SMPD3: variants seen among roughly 807,000 people sequenced by gnomAD.
The protein encoded by SMPD3 is sphingomyelin phosphodiesterase 3, also known as nSMase-2.
In SMPD3, 21 loss-of-function variants were observed where a neutral mutation model predicts 55.7. The observed-to-expected ratio is 0.38, with a 90% CI of 0.27 to 0.54. SMPD3 has a LOEUF of 0.54. SMPD3 is among the 20% of genes least tolerant of loss of function. The pLI is 0.80. For synonymous variants in SMPD3, 457 were observed against 404.3 expected (o/e 1.13, Z -1.56); for missense variants, 842 against 899.6 (o/e 0.94, Z 0.82).
intron 1 of SMPD3, among the ~76,000 whole-genome samples, chr16:68,418,306 G>A (rs1362860731): frequency 6.6e-6 from 1 of 151,138 alleles, no homozygotes; most frequent in Non-Finnish European, 1.5e-5. Context: ...CAAGAGAAAT[G>A]AGCACCTACT....
chr16:68,446,750 C>T (rs947114572), intron 1 of SMPD3, among the ~76,000 whole-genome samples: 1 of 152,180 alleles, frequency 6.6e-6, no homozygotes, highest in Non-Finnish European at 1.5e-5. Flanking sequence ...GGCCCACTCA[C>T]GCCCTGTGAA....
At chr16:68,437,656 ACT>A (rs552373517) in intron 1 of SMPD3, among the ~76,000 whole-genome samples, 1,783 of 152,000 alleles carry the variant, frequency 0.012, 21 homozygotes, top group Non-Finnish European at 0.02. Context: ...TCATCAAGAG[ACT>A]CTCTCATAGC....
chr16:68,401,833 A>G (rs2090208531), intron 1 of SMPD3, among the ~76,000 whole-genome samples: 1 of 152,126 alleles, frequency 6.6e-6, no homozygotes, highest in South Asian at 2.1e-4. Context: ...AACATGCCAA[A>G]TGGCTAAGAG....
Position 68,389,954 on chromosome 16 carries a change from A to T in SMPD3, c.-268-3295T>A, listed in dbSNP as rs140696233. ...AGTTCATTAGAGAAGAAACAGAAGGATGGCTACCTCATTGACAGAGCAGCC... is the reference window on the plus strand; with the variant it reads ...AGTTCATTAGAGAAGAAACAGAAGGTTGGCTACCTCATTGACAGAGCAGCC... On this transcript the variant is annotated intron_variant, in intron 1 of 8. Transcript: ENST00000219334. Among the ~76,000 whole-genome samples, 8 of 152,326 alleles carry T rather than the reference A, an allele frequency of 5.3e-5. No individual in the cohort carries two copies. In the East Asian group the frequency reaches 1.5e-3, roughly 29 times the overall value.
chr16:68,360,665 C>T lies in SMPD3; in HGVS notation c.*541G>A, dbSNP rs1052206874. 6 of 155,892 alleles carry T rather than the reference C, an allele frequency of 3.8e-5. No homozygotes were observed. The highest frequency in any genetic ancestry group is 8.6e-5 in the Non-Finnish European group (6 of 70,142). 9.7% of individuals were successfully genotyped at this position (155,892 alleles called of 1,614,324 possible). On this transcript the variant is annotated 3_prime_UTR_variant, in exon 9 of 9. Transcript: ENST00000219334. The stretch of plus-strand genomic sequence containing the variant: ...CTCGGACCCTGCAGGAGCCGGCCCA[C>T]ACTGGAGGCGGGAGAGCTGGTGGCC...
intron 3 of SMPD3, among the ~76,000 whole-genome samples, chr16:68,370,651 G>T (rs2089633574): frequency 6.6e-6 from 1 of 152,146 alleles, no homozygotes; most frequent in Admixed American, 6.5e-5. Flanking sequence ...TGAGCCCAGA[G>T]CCTCGGTGCT....
intron 3 of SMPD3, chr16:68,370,045 A>T (rs2089606497): frequency 6.6e-6 from 1 of 152,264 alleles, no homozygotes. Context: ...CCTGTGCTGC[A>T]TCCACTGGCC....
chr16:68,378,418 C>T (rs562025348), intron 2 of SMPD3, among the ~76,000 whole-genome samples: 5 of 152,302 alleles, frequency 3.3e-5, no homozygotes, highest in Non-Finnish European at 5.9e-5. Context: ...AGCCACATCC[C>T]AGGTAGAATT....
In SMPD3 at chr16:68,395,754, A is replaced by G. The variant is rs534719672; in HGVS notation, c.-268-9095T>C. Reference sequence around the variant, plus strand: ...AAGTAAAATCTAGACATTCCTATACATGAGAGACTATGTGTATAGGTAATG... The same window carrying G: ...AAGTAAAATCTAGACATTCCTATACGTGAGAGACTATGTGTATAGGTAATG... On this transcript the variant is annotated intron_variant, in intron 1 of 8. Coordinates refer to ENST00000219334, the MANE Select transcript of SMPD3 (RefSeq NM_018667.4). Among the ~76,000 whole-genome samples the G allele has an allele frequency of 2.1e-4, 32 of 152,372 alleles. 1 individual carries two copies. In the South Asian group the frequency reaches 6.2e-3, roughly 30 times the overall value.
intron 1 of SMPD3, among the ~76,000 whole-genome samples, chr16:68,422,701 C>T (rs1172810982): frequency 6.6e-6 from 1 of 152,132 alleles, no homozygotes; most frequent in African/African-American, 2.4e-5. Context: ...AATTGCTTCC[C>T]ATGCAGTCTC....
chr16:68,428,534 C>T (rs1289005790), intron 1 of SMPD3, among the ~76,000 whole-genome samples: 1 of 152,202 alleles, frequency 6.6e-6, no homozygotes, highest in Non-Finnish European at 1.5e-5. Context: ...TGGGTTTATC[C>T]CTTTGTCCTC....
chr16:68,376,184 C>T (rs2089808021), intron 2 of SMPD3, among the ~76,000 whole-genome samples: 1 of 152,280 alleles, frequency 6.6e-6, no homozygotes, highest in South Asian at 2.1e-4. Flanking sequence ...TACAGTTAAA[C>T]ATTAGAGGCT....
At chr16:68,387,771 C>T (rs1052372453) in intron 1 of SMPD3, among the ~76,000 whole-genome samples, 1 of 152,254 alleles carries the variant, frequency 6.6e-6, no homozygotes, top group African/African-American at 2.4e-5. Context: ...ACCTATCACT[C>T]TTCACACCGC....
chr16:68,363,902 G>A, intron 5 of SMPD3, 36 bp from the exon 6 acceptor site: 1 of 1,529,170 alleles, frequency 6.5e-7, no homozygotes, highest in Non-Finnish European at 8.8e-7. Context: ...AGGCACCAGG[G>A]GGCTTTGCTG....
intron 1 of SMPD3, among the ~76,000 whole-genome samples, chr16:68,424,825 C>T (rs1031037710): frequency 1.3e-5 from 2 of 152,198 alleles, no homozygotes; most frequent in Non-Finnish European, 2.9e-5. Context: ...ATCCTCCCAC[C>T]TTAGCTTCCT....
intron 1 of SMPD3, among the ~76,000 whole-genome samples, chr16:68,409,796 T>G (rs1847770084): frequency 6.6e-6 from 1 of 152,164 alleles, no homozygotes; most frequent in South Asian, 2.1e-4. Context: ...GGTTTCACTG[T>G]TTTAGCCGGG....
chr16:68,396,606 C>A (rs371931231), intron 1 of SMPD3, among the ~76,000 whole-genome samples: 1 of 152,096 alleles, frequency 6.6e-6, no homozygotes, highest in South Asian at 2.1e-4. Flanking sequence ...CCCCTGAGCT[C>A]CAAGCACAGG....
intron 1 of SMPD3, among the ~76,000 whole-genome samples, chr16:68,406,827 G>A (rs756436694): frequency 3.7e-4 from 56 of 152,338 alleles, no homozygotes; most frequent in Admixed American, 7.8e-4. Flanking sequence ...GAAGCTCACC[G>A]TAGCGTGGAG....
intron 5 of SMPD3, 94 bp from the exon 6 acceptor site, chr16:68,363,960 C>G: frequency 8.6e-7 from 1 of 1,167,818 alleles, no homozygotes; most frequent in Non-Finnish European, 1.2e-6. Context: ...TCCCCATGTG[C>G]TGCCAGGCCC....
Sources: gnomAD v4.1 joint callset for allele counts (sites outside exome capture counted in the v4.1 genomes callset) on GRCh38, gnomAD v4.1.1 for gene constraint, MANE v1.5 for transcripts, NCBI Gene and HGNC (gene_info 2026-07-23, HGNC 2026-07-21) for gene names.